WDR47: variants seen among roughly 807,000 people sequenced by gnomAD.
WDR47 encodes the protein WD repeat domain 47.
In WDR47, 32 loss-of-function variants were observed where a neutral mutation model predicts 97.2. The ratio of observed to expected loss-of-function variants is 0.33; its 90% CI spans 0.25 to 0.44. The LOEUF is 0.44. WDR47 is among the 20% of genes least tolerant of loss of function. The probability of loss-of-function intolerance (pLI) is 1.00; values close to 1 mark genes in which losing one functional copy is unlikely to be tolerated. For synonymous variants in WDR47, 375 were observed against 373.5 expected, an observed-to-expected ratio of 1.00 and a Z score of -0.05; for missense variants, 782 against 1,102.3, an observed-to-expected ratio of 0.71 and a Z score of 4.11.
intron 3 of WDR47, 109 bp from the exon 4 acceptor site, chr1:109,014,034 T>C (rs989096950): frequency 8.3e-5 from 60 of 723,146 alleles, no homozygotes; most frequent in Non-Finnish European, 1.2e-4. Flanking sequence ...AATAATTTAC[T>C]AGGCTTCTTA....
At chr1:109,033,825 A>G (rs1662759192) in intron 1 of WDR47, among the ~76,000 whole-genome samples, 1 of 152,238 alleles carries the variant, frequency 6.6e-6, no homozygotes, top group Non-Finnish European at 1.5e-5. Context: ...AGGCTGAGGC[A>G]GGAGAATTGC....
intron 1 of WDR47, among the ~76,000 whole-genome samples, chr1:109,030,806 C>T (rs1263298147): frequency 7.7e-6 from 1 of 130,552 alleles, no homozygotes; most frequent in East Asian, 2.2e-4. Flanking sequence ...TTTTTAATAA[C>T]ATGGCATTCA....
At chr1:109,004,272 A>G (rs986900877) in intron 6 of WDR47, among the ~76,000 whole-genome samples, 1 of 152,102 alleles carries the variant, frequency 6.6e-6, no homozygotes, top group Non-Finnish European at 1.5e-5. Flanking sequence ...CTCAAAAAAA[A>G]AAAAACAAAC....
chr1:109,032,623 C>G (rs1171061140), intron 1 of WDR47, among the ~76,000 whole-genome samples: 1 of 152,028 alleles, frequency 6.6e-6, no homozygotes, highest in African/African-American at 2.4e-5. Context: ...GTAGACCAGG[C>G]ATGGTGGCTC....
At chr1:109,008,328 T>C (rs1660783824) in intron 5 of WDR47, among the ~76,000 whole-genome samples, 1 of 151,912 alleles carries the variant, frequency 6.6e-6, no homozygotes, top group South Asian at 2.1e-4. Flanking sequence ...TGGAGTGCAA[T>C]GGTGTAATCT....
rs893130128 is a variant in WDR47 at position 109,011,169 on chromosome 1, G to A, written c.877C>T (p.Pro293Ser). 6.2e-7 allele frequency: 1 copy of A among 1,614,054 alleles called. No homozygotes were observed. The highest frequency in any genetic ancestry group is 8.5e-7 in the Non-Finnish European group (1 of 1,180,042). Residue 293 changes from proline (P) to serine (S), a missense_variant, in exon 5 of 15, where the codon CCC (proline) becomes TCC (serine). By Grantham distance (74) the Pro-to-Ser change is moderately conservative (BLOSUM62 -1). Around this residue, in one of 3 missense-constraint regions of WDR47, gnomAD observed 428 missense variants for 584.3 expected, o/e 0.73. Coordinates refer to ENST00000369962, the MANE Select transcript of WDR47 (RefSeq NM_001142551.2). Reference protein sequence around the residue: ...LLTPLISKLSPYPSSPMRRPQ... With the variant: ...LLTPLISKLSSYPSSPMRRPQ... ...CTTCTCATTGGGGATGATGGATAGGGAGAGAGTTTGCTGATAAGAGGAGTC... is the reference window on the plus strand; with the variant it reads ...CTTCTCATTGGGGATGATGGATAGGAAGAGAGTTTGCTGATAAGAGGAGTC...
chr1:108,992,081 G>A (rs1659390046), intron 8 of WDR47, among the ~76,000 whole-genome samples: 1 of 152,084 alleles, frequency 6.6e-6, no homozygotes, highest in Non-Finnish European at 1.5e-5. Flanking sequence ...GGAGAAGAGA[G>A]GCAATTTAGG....
At chr1:108,991,558 CATATTTT>C (rs1207098133) in intron 8 of WDR47, among the ~76,000 whole-genome samples, 2 of 152,104 alleles carry the variant, frequency 1.3e-5, no homozygotes, top group Admixed American at 1.3e-4. Context: ...TCAAAGTCCA[CATATTTT>C]ATAGTGAGAT....
intron 1 of WDR47, among the ~76,000 whole-genome samples, chr1:109,025,741 G>GA (rs1557959621): frequency 4.0e-5 from 6 of 150,048 alleles, no homozygotes; most frequent in Admixed American, 1.3e-4. Flanking sequence ...CTCGGAAAAA[G>GA]AAAAAAAAAC....
chr1:109,013,793 G>C (rs1325191435), intron 4 of WDR47, 48 bp downstream of exon 4: 1 of 1,583,222 alleles, frequency 6.3e-7, no homozygotes, highest in Admixed American at 1.8e-5. Flanking sequence ...AAATACTTAT[G>C]ACTGAAAACA....
At chr1:108,999,231 A>C (rs1282205089) in intron 7 of WDR47, among the ~76,000 whole-genome samples, 1 of 151,558 alleles carries the variant, frequency 6.6e-6, no homozygotes, top group Non-Finnish European at 1.5e-5. Context: ...CTGTCCCCAA[A>C]AAAAAAAAAA....
rs754590491 is a variant in WDR47, at chr1:109,011,263, T to C, written c.783A>G (p.Glu261=). 3.1e-5 allele frequency: 50 copies of C among 1,614,028 alleles called. No homozygotes were observed. Among genetic ancestry groups the C allele is most frequent in the Non-Finnish European group, 4.0e-5 (47 of 1,180,048 alleles). ...LPSSVFSCAF[E]QKMLNIHVDK... ...CAACATGAATATTAAGCATTTTCTG[T>C]TCAAAAGCACAAGAGAAGACAGAAG... is the stretch of plus-strand genomic sequence containing the variant. Residue 261 remains glutamate (E), a synonymous_variant, in exon 5 of 15, where the codon GAA becomes GAG. Coordinates refer to ENST00000369962, the MANE Select transcript of WDR47 (RefSeq NM_001142551.2).
intron 5 of WDR47, among the ~76,000 whole-genome samples, chr1:109,007,843 C>T (rs897585538): frequency 5.3e-5 from 8 of 152,170 alleles, no homozygotes; most frequent in African/African-American, 1.9e-4. Context: ...GTGGCTCATG[C>T]CTGTAATCCC....
At chr1:108,998,899 G>A (rs781032474) in intron 7 of WDR47, among the ~76,000 whole-genome samples, 6 of 152,060 alleles carry the variant, frequency 3.9e-5, no homozygotes, top group Non-Finnish European at 7.4e-5. Flanking sequence ...CCCTAGTACA[G>A]GCTCAGATAT....
At position 109,002,269 on chromosome 1, in the gene WDR47, T is replaced by C. The variant is rs745891567; in HGVS notation, c.1388A>G (p.Asp463Gly). 8 of 1,611,802 alleles carry C rather than the reference T, an allele frequency of 5.0e-6. 1 individual carries two copies. In the South Asian group the frequency reaches 8.8e-5, roughly 18 times the overall value. Reference sequence around the variant, plus strand: ...AAGATTCTGCTGCTGATCAGGACCATCCTCCTGATTCACGCCTCCTTCAAG... The same window carrying C: ...AAGATTCTGCTGCTGATCAGGACCACCCTCCTGATTCACGCCTCCTTCAAG... ...MLLEGGVNQE[D>G]GPDQQQNLTE... is the part of the protein sequence containing the mutation. The change falls in exon 7 of 15, where the codon GAT (aspartate) becomes GGT (glycine). Residue 463 changes from aspartate (D) to glycine (G), a missense_variant. Physicochemically the swap from Asp to Gly is moderately conservative, Grantham distance 94 (BLOSUM62 -1). Around this residue, in one of 3 missense-constraint regions of WDR47, gnomAD observed 428 missense variants for 584.3 expected, o/e 0.73. Coordinates refer to ENST00000369962, the MANE Select transcript of WDR47 (RefSeq NM_001142551.2).
At chr1:108,988,349 A>G (rs1229366855) in intron 9 of WDR47, among the ~76,000 whole-genome samples, 1 of 151,944 alleles carries the variant, frequency 6.6e-6, no homozygotes. Flanking sequence ...ATAGAGTTTC[A>G]TTTGTGTTTC....
chr1:108,995,547 A>G, intron 8 of WDR47, 33 bp downstream of exon 8: 3 of 1,609,068 alleles, frequency 1.9e-6, no homozygotes, highest in Non-Finnish European at 2.6e-6. Context: ...TAGTAAGTTA[A>G]TATTTCCAAG....
At chr1:109,018,574 G>A (rs993894232) in intron 2 of WDR47, among the ~76,000 whole-genome samples, 1 of 152,096 alleles carries the variant, frequency 6.6e-6, no homozygotes, top group Non-Finnish European at 1.5e-5. Flanking sequence ...CAGCACTTTA[G>A]GAAGCTAAGG....
rs1451909273 is a variant in WDR47 at position 108,971,284 on chromosome 1, T to A, written c.*146A>T. On this transcript the variant is annotated 3_prime_UTR_variant, in exon 15 of 15. Transcript: ENST00000369962. ...CTGCGGAATAACACCACCCAACACC[T>A]CCTATCAGTGGGATACATGGTAATA... The A allele has an allele frequency of 9.1e-7, 1 of 1,097,468 alleles. No individual in the cohort carries two copies. The highest frequency in any genetic ancestry group is 2.5e-5 in the East Asian group (1 of 40,812). The allele number at this position is 1,097,468 out of a possible 1,614,324, so 68.0% of individuals were successfully genotyped here.
Sources: allele counts gnomAD v4.1 joint callset (sites outside exome capture counted in the v4.1 genomes callset), GRCh38; gene constraint gnomAD v4.1.1; regional missense constraint gnomAD v4.1.1; transcripts MANE v1.5; gene names NCBI Gene and HGNC (gene_info 2026-07-23, HGNC 2026-07-21).